Variants in TP63 observed in about 807,000 individuals in gnomAD.
TP63 encodes tumor protein 63.
Under a neutral mutation model 82.8 loss-of-function variants are expected in TP63, and 17 were observed. The observed-to-expected ratio is 0.21, with a 90% CI of 0.14 to 0.31. The LOEUF is 0.31. TP63 is among the 10% of genes least tolerant of loss of function. The pLI is 1.00. For synonymous variants in TP63, 330 were observed against 321.7 expected (o/e 1.03, Z -0.28); for missense variants, 648 against 895.3 (o/e 0.72, Z 3.52).
chr3:189,623,827 A>G, the TP63 span, among the ~76,000 whole-genome samples: 7,848 of 147,222 alleles, frequency 0.053, 218 homozygotes, highest in Middle Eastern at 0.07. Context: ...ACTAAAGGTC[A>G]ATTTATTTGG....
the TP63 span, among the ~76,000 whole-genome samples, chr3:189,616,482 G>T: frequency 0.019 from 2,831 of 152,288 alleles, 93 homozygotes; most frequent in African/African-American, 0.064. Flanking sequence ...GATACAGCTG[G>T]TTGTCTTTGG....
intron 1 of TP63, among the ~76,000 whole-genome samples, chr3:189,725,678 T>C (rs1719723727): frequency 6.6e-6 from 1 of 151,742 alleles, no homozygotes; most frequent in Non-Finnish European, 1.5e-5. Flanking sequence ...GGAATGTGAG[T>C]GTGTGAATTC....
At chr3:189,880,976 G>A in intron 10 of TP63, 1 of 985,374 alleles carries the variant, frequency 1.0e-6, no homozygotes. Context: ...AACTCATTTT[G>A]TGCTTTTAAT....
At chr3:189,840,321 G>A (rs1713803314) in intron 4 of TP63, among the ~76,000 whole-genome samples, 1 of 139,296 alleles carries the variant, frequency 7.2e-6, no homozygotes. Context: ...GTTGTTTTAG[G>A]AGTTAAGGAA....
At chr3:189,683,032 C>G (rs1307060686) in intron 1 of TP63, among the ~76,000 whole-genome samples, 2 of 152,056 alleles carry the variant, frequency 1.3e-5, no homozygotes, top group East Asian at 3.8e-4. Context: ...TTTATTATTT[C>G]CATTATACAG....
chr3:189,849,854 A>T (rs1715403060), intron 4 of TP63, among the ~76,000 whole-genome samples: 1 of 152,232 alleles, frequency 6.6e-6, no homozygotes, highest in South Asian at 2.1e-4. Context: ...AGGTTTGGAC[A>T]AGAGGTGCTA....
intron 3 of TP63, among the ~76,000 whole-genome samples, chr3:189,747,496 G>C (rs763711641): frequency 1.6e-4 from 24 of 151,680 alleles, no homozygotes; most frequent in Non-Finnish European, 1.5e-5. Context: ...CTGACCATTG[G>C]GTCAAGAAAG....
At chr3:189,890,645 C>T in intron 12 of TP63, 144 bp from the exon 13 acceptor site, 2 of 697,834 alleles carry the variant, frequency 2.9e-6, no homozygotes, top group East Asian at 2.7e-5. Flanking sequence ...AGACTTAAGG[C>T]CCACATATAT....
At chr3:189,817,630 A>G (rs987367898) in intron 4 of TP63, among the ~76,000 whole-genome samples, 2 of 152,114 alleles carry the variant, frequency 1.3e-5, no homozygotes, top group Non-Finnish European at 2.9e-5. Context: ...CGATGCTTAC[A>G]ATTCAGGCAG....
In TP63 at chr3:189,646,186, A is replaced by C. The variant is rs117749009; in HGVS notation, c.62+14609A>C. ...GTGTACTATTGAATTTAAAAACTTGAAGTTGTAGTTCAACAATCTGTATCT... is the reference window on the plus strand; with the variant it reads ...GTGTACTATTGAATTTAAAAACTTGCAGTTGTAGTTCAACAATCTGTATCT... On this transcript the variant is annotated intron_variant, in intron 1 of 13. Transcript: ENST00000264731. 9.1e-3 allele frequency among the ~76,000 whole-genome samples: 1,334 copies of C among 147,296 alleles called. 166 individuals are homozygous for C. The highest frequency in any genetic ancestry group is 0.067 in the East Asian group (284 of 4,216).
chr3:189,739,283 T>G (rs918988303), intron 3 of TP63, among the ~76,000 whole-genome samples: 2 of 152,086 alleles, frequency 1.3e-5, no homozygotes, highest in East Asian at 3.9e-4. Context: ...ACCTGGCTAA[T>G]TTTTGTATTT....
intron 1 of TP63, among the ~76,000 whole-genome samples, chr3:189,640,895 AC>A (rs1711798927): frequency 6.6e-6 from 1 of 152,180 alleles, no homozygotes; most frequent in Non-Finnish European, 1.5e-5. Context: ...TATTGTGTAA[AC>A]TAAACTAAGA....
chr3:189,845,892 A>T (rs9818301), intron 4 of TP63, among the ~76,000 whole-genome samples: 71,375 of 150,958 alleles, frequency 0.47, 17,758 homozygotes, highest in African/African-American at 0.63. Flanking sequence ...CTGGGAGAGG[A>T]TGAAAGAGCT....
intron 1 of TP63, among the ~76,000 whole-genome samples, chr3:189,663,663 GA>G (rs1714131082): frequency 6.6e-6 from 1 of 151,062 alleles, no homozygotes; most frequent in Admixed American, 6.6e-5. Flanking sequence ...GAGTAACTGG[GA>G]TTACAGGCAC....
In TP63 at chr3:189,799,618, T is replaced by C. The variant is rs77773921; in HGVS notation, c.325-8654T>C. On this transcript the variant is annotated intron_variant, in intron 3 of 13. Coordinates refer to ENST00000264731, the MANE Select transcript of TP63 (RefSeq NM_003722.5). ...GTGAGCTACCAAGTATTACTCATTG[T>C]ATTGTGAGTGACAGGACTGGCTATT... Among the ~76,000 whole-genome samples, 963 of 152,242 alleles carry C rather than the reference T, an allele frequency of 6.3e-3. 8 individuals carry two copies. The highest frequency in any genetic ancestry group is 0.022 in the African/African-American group (923 of 41,566).
At chr3:189,712,214 A>G (rs1718646252) in intron 1 of TP63, among the ~76,000 whole-genome samples, 1 of 152,146 alleles carries the variant, frequency 6.6e-6, no homozygotes, top group African/African-American at 2.4e-5. Context: ...TAAACAACTA[A>G]CTACTGCACA....
rs115690734 is a variant in TP63, at chr3:189,802,397, G to A, written c.325-5875G>A. On this transcript the variant is annotated intron_variant, in intron 3 of 13. Coordinates refer to ENST00000264731, the MANE Select transcript of TP63 (RefSeq NM_003722.5). ...TTTCTAAGTTTGGTCAGGGACATCT[G>A]TATAGAGAGAGAACAGTTACCTTAG... 6.3e-3 allele frequency among the ~76,000 whole-genome samples: 954 copies of A among 152,292 alleles called. 7 individuals carry two copies. Among genetic ancestry groups the A allele is most frequent in the African/African-American group, 0.022 (913 of 41,562 alleles).
At chr3:189,711,424 A>G (rs1718587127) in intron 1 of TP63, among the ~76,000 whole-genome samples, 1 of 152,190 alleles carries the variant, frequency 6.6e-6, no homozygotes, top group South Asian at 2.1e-4. Flanking sequence ...GGCTGCTAAT[A>G]CATTCATAGT....
intron 1 of TP63, among the ~76,000 whole-genome samples, chr3:189,691,690 G>A (rs190721642): frequency 6.6e-6 from 1 of 152,262 alleles, no homozygotes; most frequent in African/African-American, 2.4e-5. Context: ...AGGAAAGCAT[G>A]TTTCTCACAC....
Sources: allele counts gnomAD v4.1 joint callset (sites outside exome capture counted in the v4.1 genomes callset), GRCh38; gene constraint gnomAD v4.1.1; transcripts MANE v1.5; gene names NCBI Gene and HGNC (gene_info 2026-07-23, HGNC 2026-07-21).